The following COP1 variants were observed in gnomAD, a reference collection of about 807,000 sequenced individuals.
COP1 encodes the protein E3 ubiquitin-protein ligase COP1.
In COP1, 24 loss-of-function variants were observed where a neutral mutation model predicts 101.3. The observed-to-expected ratio is 0.24, with a 90% CI of 0.17 to 0.33. COP1 has a LOEUF of 0.33. Among genes scored for constraint, COP1 ranks in the 10% least tolerant of loss-of-function variants. The probability of loss-of-function intolerance (pLI) is 1.00; values close to 1 mark genes in which losing one functional copy is unlikely to be tolerated. For missense variants in COP1, 663 were observed against 906.2 expected (o/e 0.73, Z 3.45); for synonymous variants, 347 against 341.9 (o/e 1.01, Z -0.17).
chr1:175,948,901 A>C (rs1649503810), intron 18 of COP1, among the ~76,000 whole-genome samples: 2 of 150,062 alleles, frequency 1.3e-5, no homozygotes, highest in Admixed American at 1.3e-4. Context: ...GCAGTGGCTC[A>C]CACCTGTAAT....
In COP1 at chr1:175,994,472, C is replaced by G. The variant is rs146358358; in HGVS notation, c.1730-4993G>C. 2.6e-3 allele frequency among the ~76,000 whole-genome samples: 400 copies of G among 152,178 alleles called. 3 individuals are homozygous for G. The highest frequency in any genetic ancestry group is 9.2e-3 in the African/African-American group (382 of 41,528). ...GGCAAACTGGATAAAGAGTCAAGAC[C>G]CATCAGTGTGCTGTATTCAGGAAAC... On this transcript the variant is annotated intron_variant, in intron 15 of 19. Transcript: ENST00000367669.
chr1:176,096,333 C>G (rs769432315), intron 9 of COP1, among the ~76,000 whole-genome samples: 2 of 152,020 alleles, frequency 1.3e-5, no homozygotes, highest in Non-Finnish European at 2.9e-5. Context: ...GGTCCACACC[C>G]ACTTAAATGG....
At chr1:176,016,924 C>T (rs955024193) in intron 15 of COP1, among the ~76,000 whole-genome samples, 1 of 152,112 alleles carries the variant, frequency 6.6e-6, no homozygotes, top group Admixed American at 6.6e-5. Flanking sequence ...TTCCTAACAT[C>T]TTAAGTGTTG....
At chr1:176,091,620 A>G (rs1208345436) in intron 9 of COP1, among the ~76,000 whole-genome samples, 2 of 152,172 alleles carry the variant, frequency 1.3e-5, no homozygotes, top group Non-Finnish European at 2.9e-5. Context: ...TAATTAAGAT[A>G]ATTAAGATAC....
intron 14 of COP1, among the ~76,000 whole-genome samples, chr1:176,032,760 T>A (rs1440492840): frequency 6.6e-6 from 1 of 152,004 alleles, no homozygotes; most frequent in East Asian, 1.9e-4. Flanking sequence ...AGACATCTAC[T>A]GGTCACATAA....
chr1:176,158,189 A>G (rs932750998), intron 5 of COP1, among the ~76,000 whole-genome samples: 6 of 152,224 alleles, frequency 3.9e-5, no homozygotes, highest in African/African-American at 1.2e-4. Context: ...TATTTCATTA[A>G]GAAGACAAAA....
At chr1:176,084,382 G>A (rs1317115379) in intron 10 of COP1, among the ~76,000 whole-genome samples, 1 of 152,146 alleles carries the variant, frequency 6.6e-6, no homozygotes. Context: ...AACATTCCAT[G>A]CCCATGGATA....
At chr1:176,133,886 G>T (rs1373976313) in intron 8 of COP1, 6 of 453,650 alleles carry the variant, frequency 1.3e-5, no homozygotes, top group Non-Finnish European at 2.7e-5. Context: ...GTGCATATCA[G>T]AACTGAATTC....
intron 11 of COP1, among the ~76,000 whole-genome samples, chr1:176,071,415 T>C (rs1676985548): frequency 6.6e-6 from 1 of 152,172 alleles, no homozygotes; most frequent in South Asian, 2.1e-4. Context: ...TATTTCTTTA[T>C]AGCAAGGCGA....
chr1:176,057,347 C>T (rs974583831), intron 11 of COP1, among the ~76,000 whole-genome samples: 1 of 152,138 alleles, frequency 6.6e-6, no homozygotes, highest in Non-Finnish European at 1.5e-5. Context: ...CCACGGATTC[C>T]CTCTCCCTCT....
chr1:176,053,852 C>G (rs991301155), intron 11 of COP1, among the ~76,000 whole-genome samples: 1 of 152,146 alleles, frequency 6.6e-6, no homozygotes, highest in African/African-American at 2.4e-5. Flanking sequence ...ACTCTGTTAC[C>G]ATTTTCATTC....
At chr1:175,993,901 A>G (rs7530719) in intron 15 of COP1, among the ~76,000 whole-genome samples, 40,972 of 152,010 alleles carry the variant, frequency 0.27, 6,599 homozygotes, top group East Asian at 0.49. Flanking sequence ...GAACGCCACA[A>G]AGATACTCCT....
rs66711924 is a variant in COP1 at position 175,966,280 on chromosome 1, TACACACACACAC to T, written c.2134-19053_2134-19042del. 3.6e-3 allele frequency among the ~76,000 whole-genome samples: 531 copies of T among 149,562 alleles called. 2 individuals are homozygous for T. Among genetic ancestry groups the T allele is most frequent in the African/African-American group, 7.7e-3 (313 of 40,784 alleles). On this transcript the variant is annotated intron_variant, in intron 18 of 19. Coordinates refer to ENST00000367669, the MANE Select transcript of COP1 (RefSeq NM_022457.7). ...TTAGCTGTCTGAATTGTGTTTGCAA[TACACACACACAC>T]ACACACACACACACACACACACAAA...
intron 18 of COP1, among the ~76,000 whole-genome samples, chr1:175,976,478 A>G (rs1654629904): frequency 6.6e-6 from 1 of 151,720 alleles, no homozygotes; most frequent in Non-Finnish European, 1.5e-5. Flanking sequence ...GGGTTTCAAC[A>G]TGTTGGGCAG....
intron 6 of COP1, among the ~76,000 whole-genome samples, chr1:176,142,392 C>T (rs539515824): frequency 6.6e-6 from 1 of 151,828 alleles, no homozygotes; most frequent in South Asian, 2.1e-4. Flanking sequence ...AATAAATGGC[C>T]TAAATACACA....
At position 176,175,465 on chromosome 1, in the gene COP1, G is replaced by A. The variant is rs1233757368; in HGVS notation, c.565+445C>T. On this transcript the variant is annotated intron_variant, in intron 3 of 19. Transcript: ENST00000367669. The stretch of plus-strand genomic sequence containing the variant: ...TTCCACCTCAGATTATCAGGCATCA[G>A]ATTCTCATAAGGAGCGTGCAACTTA... Among the ~76,000 whole-genome samples the A allele has an allele frequency of 2.0e-5, 3 of 152,180 alleles. No homozygotes were observed. In the East Asian group the frequency reaches 5.8e-4, roughly 29 times the overall value.
chr1:175,999,353 G>A (rs1343478495), intron 15 of COP1, among the ~76,000 whole-genome samples: 11 of 152,022 alleles, frequency 7.2e-5, no homozygotes, highest in Admixed American at 4.6e-4. Context: ...GTGAGAATCC[G>A]TGACGTTTGT....
At chr1:175,958,155 T>C (rs959819622) in intron 18 of COP1, among the ~76,000 whole-genome samples, 1 of 152,120 alleles carries the variant, frequency 6.6e-6, no homozygotes. Flanking sequence ...AAAATGTATG[T>C]AGTTTATATT....
At chr1:176,016,334 C>T (rs184087670) in intron 15 of COP1, among the ~76,000 whole-genome samples, 1 of 151,832 alleles carries the variant, frequency 6.6e-6, no homozygotes, top group Non-Finnish European at 1.5e-5. Context: ...TGAAAAAAAA[C>T]CAGAGGGTGT....
Sources: gnomAD v4.1 joint callset for allele counts (sites outside exome capture counted in the v4.1 genomes callset) on GRCh38, gnomAD v4.1.1 for gene constraint, MANE v1.5 for transcripts, NCBI Gene and HGNC (gene_info 2026-07-23, HGNC 2026-07-21) for gene names.